The following PTPRF variants were observed in gnomAD, a reference collection of about 807,000 sequenced individuals.
PTPRF encodes protein tyrosine phosphatase receptor type F, also known as receptor-type tyrosine-protein phosphatase F.
PTPRF carries 59 observed loss-of-function variants against 201.8 expected under a neutral mutation model. The ratio of observed to expected loss-of-function variants is 0.29; its 90% CI spans 0.24 to 0.36. The LOEUF (loss-of-function observed/expected upper bound fraction) is 0.36, where lower values mean the gene tolerates loss of function less well. Ranked by LOEUF, PTPRF falls within the 10% of genes least tolerant of loss-of-function variation. The pLI, the probability that PTPRF is intolerant of heterozygous loss-of-function variation, is 1.00. For missense variants in PTPRF, 2,132 were observed against 2,690.5 expected, an observed-to-expected ratio of 0.79 and a Z score of 4.59; for synonymous variants, 1,088 against 1,089.7, an observed-to-expected ratio of 1.00 and a Z score of 0.03.
intron 3 of PTPRF, among the ~76,000 whole-genome samples, chr1:43,545,600 A>C (rs1265550351): frequency 1.3e-5 from 2 of 152,054 alleles, no homozygotes; most frequent in Non-Finnish European, 2.9e-5. Flanking sequence ...CCATAGGCCC[A>C]AGGAGGGTCA....
intron 6 of PTPRF, among the ~76,000 whole-genome samples, chr1:43,572,896 C>G (rs961320115): frequency 1.3e-5 from 2 of 152,046 alleles, no homozygotes; most frequent in African/African-American, 4.8e-5. Flanking sequence ...ACCTGGGGAC[C>G]TGAGGAGCAG....
chr1:43,550,432 T>A (rs898194310), intron 3 of PTPRF, among the ~76,000 whole-genome samples: 4 of 150,134 alleles, frequency 2.7e-5, no homozygotes, highest in Admixed American at 1.3e-4. Context: ...CCGCTGCAGG[T>A]CCCGGCAGGA....
intron 23 of PTPRF, among the ~76,000 whole-genome samples, chr1:43,614,771 G>A (rs1422467560): frequency 6.6e-6 from 1 of 152,156 alleles, no homozygotes; most frequent in African/African-American, 2.4e-5. Context: ...AGAATCGTTT[G>A]AACCCGGGAG....
At chr1:43,604,284 A>G (rs1570564517) in intron 16 of PTPRF, 95 bp downstream of exon 16, 10 of 1,307,556 alleles carry the variant, frequency 7.6e-6, no homozygotes, top group Non-Finnish European at 1.0e-5. Context: ...ACTGTGATCC[A>G]CCAGCCTCTG....
In PTPRF at chr1:43,605,430, C is replaced by T; in HGVS notation, c.3376C>T (p.Pro1126Ser). 6.2e-7 allele frequency: 1 copy of T among 1,609,562 alleles called. No individual in the cohort carries two copies. Residue 1126 changes from proline to serine, a missense_variant, in exon 18 of 34, where the codon CCC (proline) becomes TCC (serine). Coordinates refer to ENST00000359947, the MANE Select transcript of PTPRF (RefSeq NM_002840.5). Reference sequence around the variant, plus strand: ...TCTCTCCATGCCCCATGTGCAAGACCCCTCGCTTGTCAGGTGTGCACACGA... The same window carrying T: ...TCTCTCCATGCCCCATGTGCAAGACTCCTCGCTTGTCAGGTGTGCACACGA... ...FDLSMPHVQDPSLVRWFYIVV... is the reference protein window; with the variant it reads ...FDLSMPHVQDSSLVRWFYIVV...
At chr1:43,592,695 G>T in intron 11 of PTPRF, 94 bp downstream of exon 11, 1 of 1,383,680 alleles carries the variant, frequency 7.2e-7, no homozygotes, top group Non-Finnish European at 9.4e-7. Context: ...CAGGCAGGTG[G>T]GGTGGTCAGG....
chr1:43,619,512 T>C lies in PTPRF; in HGVS notation c.4871T>C (p.Ile1624Thr). The C allele has an allele frequency of 6.2e-7, 1 of 1,614,008 alleles. No individual in the cohort carries two copies. Among genetic ancestry groups the C allele is most frequent in the African/African-American group, 1.3e-5 (1 of 75,034 alleles). ...EVPARNLYAH[I>T]QKLGQVPPGE... ...CCTGCCCGCAACCTGTATGCCCACA[T>C]CCAGAAGCTGGGCCAAGTGCCTCCA... Residue 1624 changes from isoleucine to threonine, a missense_variant, in exon 28 of 34, where the codon ATC becomes ACC. Transcript: ENST00000359947.
At chr1:43,615,969 G>A (rs1160334582) in intron 23 of PTPRF, among the ~76,000 whole-genome samples, 2 of 152,076 alleles carry the variant, frequency 1.3e-5, no homozygotes, top group Non-Finnish European at 2.9e-5. Context: ...GAACCCAGTC[G>A]TGGGGAGCAT....
At chr1:43,544,713 T>C (rs893221744) in intron 2 of PTPRF, among the ~76,000 whole-genome samples, 2 of 152,216 alleles carry the variant, frequency 1.3e-5, no homozygotes, top group Admixed American at 6.5e-5. Flanking sequence ...TGGAACACAC[T>C]GTACATCCTC....
Position 43,591,264 on chromosome 1 carries a change from C to A in PTPRF, c.1242C>A (p.Ser414=). ...VRARTGEQAP[S]SPPRRVQARM... is the part of the protein sequence containing the mutation. ...CACGCACGGGAGAACAGGCGCCCTCCAGCCCACCGCGCCGCGTGCAGGCAC... is the reference window on the plus strand; with the variant it reads ...CACGCACGGGAGAACAGGCGCCCTCAAGCCCACCGCGCCGCGTGCAGGCAC... Residue 414 remains serine (S), a synonymous_variant, in exon 9 of 34, where the codon TCC becomes TCA. Coordinates refer to ENST00000359947, the MANE Select transcript of PTPRF (RefSeq NM_002840.5). 1 of 1,567,102 alleles carries A rather than the reference C, an allele frequency of 6.4e-7. No individual in the cohort carries two copies. Among genetic ancestry groups the A allele is most frequent in the Non-Finnish European group, 8.6e-7 (1 of 1,158,312 alleles).
chr1:43,551,291 T>TG lies in PTPRF; in HGVS notation c.92-2196dup, dbSNP rs570084422. The stretch of plus-strand genomic sequence containing the variant: ...GGGGGAAGAGTGCACGGTATGGGGG[T>TG]GGGGGACAGGAGACACCCCCAGTGG... On this transcript the variant is annotated intron_variant, in intron 3 of 33. Coordinates refer to ENST00000359947, the MANE Select transcript of PTPRF (RefSeq NM_002840.5). Among the ~76,000 whole-genome samples the TG allele has an allele frequency of 4.3e-5, 6 of 140,508 alleles. No homozygotes were observed. The South Asian group carries it at 1.4e-3, about 33-fold the overall frequency. The allele number at this position is 140,508 out of a possible 152,430, so 92.2% of individuals were successfully genotyped here.
chr1:43,574,066 G>A (rs1257593892), intron 6 of PTPRF, among the ~76,000 whole-genome samples: 2 of 133,458 alleles, frequency 1.5e-5, no homozygotes, highest in South Asian at 2.4e-4. Context: ...GCGCGATCTC[G>A]GCTCATCGCA....
At chr1:43,611,681 G>A (rs182440035) in intron 22 of PTPRF, among the ~76,000 whole-genome samples, 35 of 152,318 alleles carry the variant, frequency 2.3e-4, no homozygotes, top group African/African-American at 6.5e-4. Flanking sequence ...AATTGAGGCA[G>A]GGAGACCATT....
intron 21 of PTPRF, among the ~76,000 whole-genome samples, chr1:43,607,817 G>T (rs1231164818): frequency 2.0e-5 from 3 of 152,246 alleles, no homozygotes; most frequent in African/African-American, 7.2e-5. Flanking sequence ...TCAAGTCCAT[G>T]CTCTGGTGCC....
Position 43,542,620 on chromosome 1 carries a change from C to A in PTPRF, c.-45-2411C>A, listed in dbSNP as rs527495094. ...CATGATGGCTCTCCTGGGAGCTCTG[C>A]CCCCACCATGAAGTCTGTAACAGCA... On this transcript the variant is annotated intron_variant, in intron 2 of 33. Coordinates refer to ENST00000359947, the MANE Select transcript of PTPRF (RefSeq NM_002840.5). This position sits in a 1 kb window ranked among gnomAD's most constrained non-coding sequence, Gnocchi z 5.2. 6.6e-6 allele frequency among the ~76,000 whole-genome samples: 1 copy of A among 152,158 alleles called. No individual in the cohort carries two copies. The highest frequency in any genetic ancestry group is 1.9e-4 in the East Asian group (1 of 5,174).
At chr1:43,565,985 G>A (rs1185039461) in intron 5 of PTPRF, among the ~76,000 whole-genome samples, 1 of 152,254 alleles carries the variant, frequency 6.6e-6, no homozygotes. Flanking sequence ...AGGGGACTCA[G>A]CGTGACTGGT....
chr1:43,568,235 C>T (rs1197551100), intron 5 of PTPRF, among the ~76,000 whole-genome samples: 3 of 150,040 alleles, frequency 2.0e-5, no homozygotes, highest in Admixed American at 1.3e-4. Flanking sequence ...GCGGAGGTTG[C>T]GGTGAGCTGA....
rs200227010 is a variant in PTPRF at position 43,578,977 on chromosome 1, G to A, written c.679+57G>A. The A allele has an allele frequency of 2.3e-5, 36 of 1,533,958 alleles. 2 individuals carry two copies. The South Asian group carries it at 3.0e-4, about 13-fold the overall frequency. ...ACCACAGAGCTGTGCTGCACCTGCC[G>A]GGCTCTCTGCCCAGAGCCCTTGGTG... is the stretch of plus-strand genomic sequence containing the variant. On this transcript the variant is annotated intron_variant, in intron 7 of 33. Transcript: ENST00000359947.
At chr1:43,523,890 GAA>G (rs57872715), upstream of PTPRF, among the ~76,000 whole-genome samples, 6 of 136,018 alleles carry the variant, frequency 4.4e-5, no homozygotes, top group East Asian at 2.1e-4. Context: ...GTCTACTAAA[GAA>G]AAAAAAAAAA....
Sources: gnomAD v4.1 joint callset for allele counts (sites outside exome capture counted in the v4.1 genomes callset) on GRCh38, gnomAD v4.1.1 for gene constraint, Gnocchi (gnomAD v3.1) non-coding constraint, MANE v1.5 for transcripts, NCBI Gene and HGNC (gene_info 2026-07-23, HGNC 2026-07-21) for gene names.